PGBD2: variants seen among roughly 807,000 people sequenced by gnomAD.
The protein encoded by PGBD2 is piggyBac transposable element-derived protein 2.
Under a neutral mutation model 8.1 loss-of-function variants are expected in PGBD2, and 6 were observed. That is an observed-to-expected ratio of 0.74 (90% CI 0.40 to 1.46). The LOEUF (loss-of-function observed/expected upper bound fraction) is 1.46. PGBD2 is among the 40% of genes most tolerant of loss of function. The probability of loss-of-function intolerance (pLI) is 0.02; values close to 1 mark genes in which losing one functional copy is unlikely to be tolerated. For missense variants in PGBD2, 802 were observed against 739.0 expected (o/e 1.09, Z -0.99); for synonymous variants, 318 against 272.2 (o/e 1.17, Z -1.66).
the PGBD2 span, among the ~76,000 whole-genome samples, chr1:248,892,401 G>T: frequency 1.3e-5 from 2 of 151,626 alleles, no homozygotes; most frequent in African/African-American, 4.9e-5. Flanking sequence ...AGGGACTTGG[G>T]TGTCATCTGG....
At position 248,916,717 on chromosome 1, in the gene PGBD2, G is replaced by A. The variant is rs201159899; in HGVS notation, c.133G>A (p.Ala45Thr). 107 of 1,614,012 alleles carry A rather than the reference G, an allele frequency of 6.6e-5. No individual in the cohort carries two copies. Among genetic ancestry groups the A allele is most frequent in the Non-Finnish European group, 8.9e-5 (105 of 1,180,036 alleles). ...SNNNREEIFIAPPDNAAGEFT... is the reference protein window; with the variant it reads ...SNNNREEIFITPPDNAAGEFT... ...CAACAACAGGGAAGAGATTTTCATT[G>A]CACCTCCCGACAATGCTGCGGGGGA... is the stretch of plus-strand genomic sequence containing the variant. Residue 45 changes from alanine to threonine, a missense_variant, in exon 3 of 3, where the codon GCA (alanine) becomes ACA (threonine). By Grantham distance (58) the Ala-to-Thr change is moderately conservative (BLOSUM62 0). Transcript: ENST00000329291.
At chr1:248,879,648 C>T in the PGBD2 span, among the ~76,000 whole-genome samples, 2 of 152,162 alleles carry the variant, frequency 1.3e-5, no homozygotes, top group Admixed American at 6.5e-5. Flanking sequence ...AATCTTCTCA[C>T]TTCAGCCTCC....
the PGBD2 span, among the ~76,000 whole-genome samples, chr1:248,892,330 C>G: frequency 4.1e-4 from 52 of 128,312 alleles, no homozygotes; most frequent in Non-Finnish European, 7.5e-4. Flanking sequence ...CTTCCTTTTA[C>G]TTTATTTCTT....
intron 1 of PGBD2, among the ~76,000 whole-genome samples, chr1:248,913,094 G>A (rs1487691499): frequency 2.0e-5 from 3 of 152,052 alleles, no homozygotes; most frequent in African/African-American, 4.8e-5. Flanking sequence ...GAGCCACCGC[G>A]CCTGGCCAGA....
downstream of PGBD2, among the ~76,000 whole-genome samples, chr1:248,921,156 T>C (rs1291980658): frequency 6.6e-6 from 1 of 152,188 alleles, no homozygotes; most frequent in African/African-American, 2.4e-5. Flanking sequence ...TAGATCCCAT[T>C]TGTCAGTTTT....
At chr1:248,880,181 T>C in the PGBD2 span, among the ~76,000 whole-genome samples, 8 of 152,216 alleles carry the variant, frequency 5.3e-5, no homozygotes, top group Admixed American at 5.2e-4. Context: ...TTTTGTCTTG[T>C]GAATCTGCTC....
the PGBD2 span, among the ~76,000 whole-genome samples, chr1:248,897,239 G>A: frequency 4.5e-5 from 6 of 132,084 alleles, no homozygotes; most frequent in African/African-American, 2.4e-4. Flanking sequence ...TCCTTCCTTT[G>A]TTCCCCTCTA....
chr1:248,908,763 G>A (rs973534982), intron 1 of PGBD2, among the ~76,000 whole-genome samples: 2 of 151,402 alleles, frequency 1.3e-5, no homozygotes, highest in Non-Finnish European at 2.9e-5. Context: ...CTGCAGGGCT[G>A]GTACAGCCTC....
At chr1:248,928,510 C>T in the PGBD2 span, among the ~76,000 whole-genome samples, 69 of 152,268 alleles carry the variant, frequency 4.5e-4, no homozygotes, top group African/African-American at 1.6e-3. Context: ...TTGTAGCAAA[C>T]ATTTACATCC....
Position 248,917,685 on chromosome 1 carries a change from G to A in PGBD2, c.1101G>A (p.Gly367=), listed in dbSNP as rs1013599945. The A allele has an allele frequency of 6.2e-7, 1 of 1,614,226 alleles. No homozygotes were observed. The highest frequency in any genetic ancestry group is 8.5e-7 in the Non-Finnish European group (1 of 1,180,048). ...VKLMSILRKK[G]VKATGTVREY... ...TGATGTCCATTTTGAGGAAAAAGGG[G>A]GTGAAAGCCACAGGAACTGTTCGTG... The change falls in exon 3 of 3, where the codon GGG becomes GGA. Residue 367 remains glycine (G), a synonymous_variant. Transcript: ENST00000329291.
chr1:248,896,732 C>T, the PGBD2 span, among the ~76,000 whole-genome samples: 1 of 152,190 alleles, frequency 6.6e-6, no homozygotes, highest in African/African-American at 2.4e-5. Context: ...CATTCTATAC[C>T]TTCAACTGAG....
In PGBD2 at chr1:248,912,505, T is replaced by C. The variant is rs1462275494; in HGVS notation, c.-47-1311T>C. On this transcript the variant is annotated intron_variant, in intron 1 of 2. Transcript: ENST00000329291. ...AAGGACTGAAATGCATTGACATCGG[T>C]AAAAATGCTTAAAACAGTACTCTGC... 2.0e-5 allele frequency among the ~76,000 whole-genome samples: 3 copies of C among 152,160 alleles called. No individual in the cohort carries two copies. The East Asian group carries it at 5.8e-4, about 29-fold the overall frequency.
chr1:248,912,977 GT>G (rs1161769628), intron 1 of PGBD2, among the ~76,000 whole-genome samples: 1 of 151,848 alleles, frequency 6.6e-6, no homozygotes, highest in African/African-American at 2.4e-5. Flanking sequence ...TAATTTTGTA[GT>G]TTTAGTAGAC....
At chr1:248,906,532 CG>C (rs35311885) in intron 1 of PGBD2, 190 bp downstream of exon 1, 1 of 131,326 alleles carries the variant, frequency 7.6e-6, no homozygotes, top group African/African-American at 2.8e-5. Context: ...GCTCCTTCTG[CG>C]GGTTGGGGTG....
At chr1:248,883,628 G>A in the PGBD2 span, among the ~76,000 whole-genome samples, 6 of 111,904 alleles carry the variant, frequency 5.4e-5, no homozygotes, top group African/African-American at 7.5e-5. Context: ...TGCTCCTGTC[G>A]CCTTGTCGCC....
the PGBD2 span, among the ~76,000 whole-genome samples, chr1:248,881,326 C>G: frequency 6.6e-6 from 1 of 152,198 alleles, no homozygotes; most frequent in East Asian, 1.9e-4. Context: ...TGGTTTCTTT[C>G]CAGTTTGGGG....
intron 2 of PGBD2, chr1:248,914,385 AG>A (rs1662017384): frequency 8.1e-6 from 8 of 984,908 alleles, no homozygotes; most frequent in African/African-American, 1.7e-5. Flanking sequence ...GTCCATGAGA[AG>A]GGCTTTTAAT....
chr1:248,919,853 T>C (rs999626266), downstream of PGBD2: 3 of 164,548 alleles, frequency 1.8e-5, no homozygotes, highest in African/African-American at 4.8e-5. Context: ...TTGAGCACTT[T>C]TTTTATACCT....
chr1:248,907,460 A>C (rs572736243), intron 1 of PGBD2, among the ~76,000 whole-genome samples: 14 of 152,280 alleles, frequency 9.2e-5, no homozygotes, highest in African/African-American at 2.4e-4. Context: ...CTCTTTTACT[A>C]ATCCACCTCA....
Sources: gnomAD v4.1 joint callset for allele counts (sites outside exome capture counted in the v4.1 genomes callset) on GRCh38, gnomAD v4.1.1 for gene constraint, MANE v1.5 for transcripts, NCBI Gene and HGNC (gene_info 2026-07-23, HGNC 2026-07-21) for gene names.